The following MACROD2 variants were observed in gnomAD, a reference collection of about 807,000 sequenced individuals.
The protein encoded by MACROD2 is ADP-ribose glycohydrolase MACROD2.
In MACROD2, 36 loss-of-function variants were observed where a neutral mutation model predicts 70.4. The ratio of observed to expected loss-of-function variants is 0.51; its 90% confidence interval spans 0.39 to 0.68. The LOEUF (loss-of-function observed/expected upper bound fraction) is 0.68, where lower values mean the gene tolerates loss of function less well. Among genes scored for constraint, MACROD2 ranks in the 30% least tolerant of loss-of-function variants. The pLI, the probability that MACROD2 is intolerant of heterozygous loss-of-function variation, is 0.00. For missense variants in MACROD2, 496 were observed against 538.4 expected, an observed-to-expected ratio of 0.92 and a Z score of 0.78; for synonymous variants, 172 against 178.8, an observed-to-expected ratio of 0.96 and a Z score of 0.30.
intron 12 of MACROD2, among the ~76,000 whole-genome samples, chr20:15,955,730 A>T (rs892146482): frequency 6.6e-6 from 1 of 152,252 alleles, no homozygotes; most frequent in Non-Finnish European, 1.5e-5. Flanking sequence ...TAAGAAAAAA[A>T]AGGAAAATAA....
chr20:15,035,997 A>T (rs2075310103), intron 5 of MACROD2, among the ~76,000 whole-genome samples: 1 of 151,908 alleles, frequency 6.6e-6, no homozygotes, highest in African/African-American at 2.4e-5. Context: ...GAATGGGGGG[A>T]GGATGGTCTG....
rs117397094 is a variant in MACROD2 at position 15,936,975 on chromosome 20, G to A, written c.839-501G>A. 5.9e-5 allele frequency among the ~76,000 whole-genome samples: 9 copies of A among 152,234 alleles called. No homozygotes were observed. In the South Asian group the frequency reaches 1.2e-3, roughly 21 times the overall value. On this transcript the variant is annotated intron_variant, in intron 11 of 17. Coordinates refer to ENST00000684519, the MANE Select transcript of MACROD2 (RefSeq NM_001351661.2). ...CTGGTGGCTTCTGGTGACCTGTGCC[G>A]AATGCTCCCCTTCTTCCAGGCCTCT... is the stretch of plus-strand genomic sequence containing the variant.
chr20:15,654,539 C>G (rs1053429764), intron 8 of MACROD2, among the ~76,000 whole-genome samples: 1 of 152,148 alleles, frequency 6.6e-6, no homozygotes, highest in Admixed American at 6.5e-5. Context: ...CCCTAAGCAC[C>G]CCTCCACTTG....
chr20:14,421,799 A>G (rs141331373), intron 3 of MACROD2, among the ~76,000 whole-genome samples: 1 of 151,808 alleles, frequency 6.6e-6, no homozygotes, highest in African/African-American at 2.4e-5. Flanking sequence ...ATTTATTGCA[A>G]TTTGTTTTGT....
chr20:15,393,610 T>C (rs112296825), intron 6 of MACROD2, among the ~76,000 whole-genome samples: 67 of 152,368 alleles, frequency 4.4e-4, no homozygotes, highest in African/African-American at 1.6e-3. Flanking sequence ...ATTTTTCTTA[T>C]TCAATTTCAT....
chr20:14,529,348 T>C (rs935242832), intron 4 of MACROD2, among the ~76,000 whole-genome samples: 8 of 152,344 alleles, frequency 5.3e-5, no homozygotes, highest in African/African-American at 1.4e-4. Context: ...TTTTCATCTT[T>C]CTGCCCTGCC....
At position 15,073,466 on chromosome 20, in the gene MACROD2, AACACACACACAC is replaced by A. The variant is rs11468103; in HGVS notation, c.419-156441_419-156430del. On this transcript the variant is annotated intron_variant, in intron 5 of 17. Transcript: ENST00000684519. The stretch of plus-strand genomic sequence containing the variant: ...ATTATTTCAGAAGTGTAATTCTCCC[AACACACACACAC>A]ACACACACACACACACACACACACA... 8.5e-3 allele frequency among the ~76,000 whole-genome samples: 1,221 copies of A among 144,044 alleles called. 14 individuals are homozygous for A. Among genetic ancestry groups the A allele is most frequent in the Middle Eastern group, 0.028 (8 of 286 alleles). 94.5% of individuals were successfully genotyped at this position (144,044 alleles called of 152,430 possible).
intron 3 of MACROD2, among the ~76,000 whole-genome samples, chr20:14,233,518 C>T (rs1262373949): frequency 8.4e-6 from 1 of 119,288 alleles, no homozygotes; most frequent in East Asian, 2.4e-4. Flanking sequence ...TGGTGAAACC[C>T]CGTCTCTACT....
At chr20:14,440,017 C>G (rs2084104095) in intron 3 of MACROD2, among the ~76,000 whole-genome samples, 1 of 152,112 alleles carries the variant, frequency 6.6e-6, no homozygotes, top group Non-Finnish European at 1.5e-5. Context: ...TAGGTCATCT[C>G]TGAGATCACT....
rs755714905 is a variant in MACROD2 at position 15,198,736 on chromosome 20, A to AT, written c.419-31199dup. Among the ~76,000 whole-genome samples the AT allele has an allele frequency of 2.1e-3, 313 of 152,096 alleles. 3 individuals are homozygous for AT. Among genetic ancestry groups the AT allele is most frequent in the Non-Finnish European group, 1.5e-3 (101 of 67,992 alleles). ...TTTTGTATAGAATCCTGTGAGGGCA[A>AT]TTTTTATGAACCCCACAATTTACAT... On this transcript the variant is annotated intron_variant, in intron 5 of 17. Transcript: ENST00000684519.
At chr20:15,058,349 TG>T (rs1159461700) in intron 5 of MACROD2, among the ~76,000 whole-genome samples, 6 of 152,240 alleles carry the variant, frequency 3.9e-5, no homozygotes, top group African/African-American at 9.6e-5. Flanking sequence ...TCTTTTGACC[TG>T]GGGGGTTGTG....
At chr20:14,257,267 A>C (rs373986004) in intron 3 of MACROD2, among the ~76,000 whole-genome samples, 1 of 127,576 alleles carries the variant, frequency 7.8e-6, no homozygotes, top group African/African-American at 3.6e-5. Context: ...ACCAAGGTCT[A>C]GAGGAATAAT....
chr20:14,456,338 A>G (rs943555291), intron 3 of MACROD2, among the ~76,000 whole-genome samples: 1 of 151,716 alleles, frequency 6.6e-6, no homozygotes, highest in Non-Finnish European at 1.5e-5. Flanking sequence ...ATAGCACAGT[A>G]TTTTTTCTAG....
chr20:14,118,872 G>A (rs1246103133), intron 3 of MACROD2, among the ~76,000 whole-genome samples: 2 of 139,554 alleles, frequency 1.4e-5, no homozygotes, highest in Non-Finnish European at 3.0e-5. Flanking sequence ...TTTAGACAGA[G>A]TCTGACTCTC....
At chr20:15,836,903 G>A (rs1034761269) in intron 8 of MACROD2, among the ~76,000 whole-genome samples, 2 of 152,232 alleles carry the variant, frequency 1.3e-5, no homozygotes, top group African/African-American at 2.4e-5. Context: ...GTATTACAAA[G>A]ATTGTGCCTA....
intron 8 of MACROD2, among the ~76,000 whole-genome samples, chr20:15,599,602 C>T (rs1247660236): frequency 6.6e-6 from 1 of 152,152 alleles, no homozygotes; most frequent in Non-Finnish European, 1.5e-5. Flanking sequence ...TAATAAACTC[C>T]TAATGAGAAC....
intron 5 of MACROD2, among the ~76,000 whole-genome samples, chr20:14,939,371 G>T (rs1014183584): frequency 1.3e-5 from 2 of 151,836 alleles, no homozygotes; most frequent in African/African-American, 4.8e-5. Flanking sequence ...GTATGTTCTT[G>T]GTGGCTTTGT....
At chr20:15,271,346 A>C (rs960260965) in intron 6 of MACROD2, among the ~76,000 whole-genome samples, 1 of 152,116 alleles carries the variant, frequency 6.6e-6, no homozygotes, top group African/African-American at 2.4e-5. Flanking sequence ...CACTCTCATG[A>C]CCTAATTACC....
intron 5 of MACROD2, among the ~76,000 whole-genome samples, chr20:15,121,141 A>G (rs1005054626): frequency 6.6e-6 from 1 of 152,202 alleles, no homozygotes; most frequent in African/African-American, 2.4e-5. Context: ...AACCAGTTAT[A>G]TCTACTTCTA....
Sources: allele counts gnomAD v4.1 joint callset (sites outside exome capture counted in the v4.1 genomes callset), GRCh38; gene constraint gnomAD v4.1.1; transcripts MANE v1.5; gene names NCBI Gene and HGNC (gene_info 2026-07-23, HGNC 2026-07-21).